SLC35F4: variants seen among roughly 807,000 people sequenced by gnomAD.
SLC35F4 encodes the protein chromosome 14 open reading frame 36.
A neutral mutation model predicts 44.2 loss-of-function variants in SLC35F4; 24 were observed. The observed-to-expected ratio is 0.54, with a 90% CI of 0.39 to 0.76. The LOEUF (loss-of-function observed/expected upper bound fraction) is 0.76. SLC35F4 is among the 30% of genes least tolerant of loss of function. The probability of loss-of-function intolerance (pLI) is 0.00; values close to 1 mark genes in which losing one functional copy is unlikely to be tolerated. For synonymous variants in SLC35F4, 238 were observed against 223.6 expected (o/e 1.06, Z -0.57); for missense variants, 562 against 586.1 (o/e 0.96, Z 0.42).
intron 1 of SLC35F4, among the ~76,000 whole-genome samples, chr14:57,647,316 G>T (rs2073574457): frequency 6.6e-6 from 1 of 152,062 alleles, no homozygotes; most frequent in Non-Finnish European, 1.5e-5. Flanking sequence ...CTGTTATTGG[G>T]TGCATATACA....
intron 1 of SLC35F4, among the ~76,000 whole-genome samples, chr14:57,706,746 G>A (rs565129798): frequency 1.3e-5 from 2 of 152,142 alleles, no homozygotes; most frequent in African/African-American, 4.8e-5. Context: ...AAGATCATGT[G>A]TTCAAGGAGC....
intron 1 of SLC35F4, among the ~76,000 whole-genome samples, chr14:57,695,058 A>G (rs1442979830): frequency 6.6e-6 from 1 of 152,318 alleles, no homozygotes; most frequent in East Asian, 1.9e-4. Flanking sequence ...ACCTAAAACC[A>G]TAAAAACCCT....
intron 1 of SLC35F4, among the ~76,000 whole-genome samples, chr14:57,855,533 G>A (rs1214750127): frequency 6.6e-6 from 1 of 152,174 alleles, no homozygotes; most frequent in African/African-American, 2.4e-5. Context: ...TAAAAGTCAG[G>A]AAACAACAGG....
intron 1 of SLC35F4, among the ~76,000 whole-genome samples, chr14:57,947,447 T>G (rs1890057050): frequency 6.6e-6 from 1 of 152,174 alleles, no homozygotes; most frequent in African/African-American, 2.4e-5. Context: ...CTTTGGGGTC[T>G]TCTAGGTAAA....
At chr14:57,808,000 A>T (rs1338276759) in intron 1 of SLC35F4, among the ~76,000 whole-genome samples, 1 of 151,666 alleles carries the variant, frequency 6.6e-6, no homozygotes, top group Admixed American at 6.6e-5. Context: ...GGATCTTTTG[A>T]GACTTATTCA....
intron 1 of SLC35F4, among the ~76,000 whole-genome samples, chr14:57,784,514 T>A (rs7151664): frequency 1.1e-4 from 16 of 152,090 alleles, no homozygotes; most frequent in African/African-American, 3.9e-4. Flanking sequence ...TAAGATCCTG[T>A]CTCTATAAAA....
chr14:57,973,898 C>T (rs1477641732), downstream of SLC35F4, among the ~76,000 whole-genome samples: 2 of 151,682 alleles, frequency 1.3e-5, no homozygotes, highest in Non-Finnish European at 2.9e-5. Flanking sequence ...GCCCAAACTG[C>T]CCCACCACAC....
At chr14:57,760,270 T>C (rs1360951737) in intron 1 of SLC35F4, among the ~76,000 whole-genome samples, 3 of 152,298 alleles carry the variant, frequency 2.0e-5, no homozygotes, top group South Asian at 4.1e-4. Context: ...TTTCCCAACA[T>C]AATTTGTTGG....
At chr14:57,915,123 G>A (rs1396672073) in intron 1 of SLC35F4, among the ~76,000 whole-genome samples, 1 of 152,128 alleles carries the variant, frequency 6.6e-6, no homozygotes, top group East Asian at 1.9e-4. Flanking sequence ...TAACACCTGA[G>A]GCCACTCGAA....
At position 57,716,935 on chromosome 14, in the gene SLC35F4, T is replaced by G. The variant is rs562726413; in HGVS notation, c.104-122811A>C. On this transcript the variant is annotated intron_variant, in intron 1 of 7. Coordinates refer to ENST00000556826, the MANE Select transcript of SLC35F4 (RefSeq NM_001306087.2). ...TACTCTCTACTTCTATGAGATCAACTTTTTTAGCTTCCACATATGAGTGAG... is the reference window on the plus strand; with the variant it reads ...TACTCTCTACTTCTATGAGATCAACGTTTTTAGCTTCCACATATGAGTGAG... Among the ~76,000 whole-genome samples the G allele has an allele frequency of 2.6e-5, 4 of 152,294 alleles. No individual in the cohort carries two copies. In the South Asian group the frequency reaches 8.3e-4, roughly 32 times the overall value.
At chr14:57,706,485 G>T (rs1379301123) in intron 1 of SLC35F4, among the ~76,000 whole-genome samples, 2 of 152,252 alleles carry the variant, frequency 1.3e-5, no homozygotes, top group Middle Eastern at 3.4e-3. Flanking sequence ...ACACAGAAAT[G>T]GTTTCTACCT....
intron 2 of SLC35F4, among the ~76,000 whole-genome samples, chr14:57,593,408 G>T (rs1455157776): frequency 5.3e-5 from 8 of 152,208 alleles, no homozygotes; most frequent in Admixed American, 5.2e-4. Flanking sequence ...TGGTCAGGTG[G>T]ATGTGAGGAA....
chr14:57,945,952 C>T (rs1441024495), intron 1 of SLC35F4, among the ~76,000 whole-genome samples: 1 of 151,966 alleles, frequency 6.6e-6, no homozygotes, highest in Non-Finnish European at 1.5e-5. Context: ...TGTCCTTTCC[C>T]TACTTTTTGA....
intron 1 of SLC35F4, among the ~76,000 whole-genome samples, chr14:57,688,870 C>T (rs2075143809): frequency 1.3e-5 from 2 of 152,136 alleles, no homozygotes; most frequent in African/African-American, 4.8e-5. Context: ...TAATTTCTGT[C>T]ATTTACAATT....
intron 1 of SLC35F4, among the ~76,000 whole-genome samples, chr14:57,820,197 T>A (rs1883017561): frequency 6.6e-6 from 1 of 152,162 alleles, no homozygotes; most frequent in Non-Finnish European, 1.5e-5. Context: ...TTAATGAATT[T>A]TTGCTAGGAA....
chr14:57,782,060 A>T (rs75920156), intron 1 of SLC35F4, among the ~76,000 whole-genome samples: 3 of 152,220 alleles, frequency 2.0e-5, no homozygotes, highest in Non-Finnish European at 4.4e-5. Flanking sequence ...CCCTGAACCT[A>T]AAAGTTTTTT....
chr14:57,911,439 A>T (rs1889214302), intron 1 of SLC35F4, among the ~76,000 whole-genome samples: 1 of 151,998 alleles, frequency 6.6e-6, no homozygotes, highest in African/African-American at 2.4e-5. Flanking sequence ...GATGTTCTTT[A>T]TCAAGTTGAG....
At chr14:57,828,250 T>C (rs1883997335) in intron 1 of SLC35F4, among the ~76,000 whole-genome samples, 1 of 152,092 alleles carries the variant, frequency 6.6e-6, no homozygotes, top group South Asian at 2.1e-4. Context: ...CTCCATTTGA[T>C]TGGTCTGGGA....
chr14:57,601,908 A>G (rs1329304928), intron 1 of SLC35F4, among the ~76,000 whole-genome samples: 1 of 152,194 alleles, frequency 6.6e-6, no homozygotes, highest in African/African-American at 2.4e-5. Context: ...AGAATTTCCA[A>G]TAGCCTAAGT....
Sources: gnomAD v4.1 joint callset for allele counts (sites outside exome capture counted in the v4.1 genomes callset) on GRCh38, gnomAD v4.1.1 for gene constraint, MANE v1.5 for transcripts, NCBI Gene and HGNC (gene_info 2026-07-23, HGNC 2026-07-21) for gene names.